The following MCTP1 variants were observed in gnomAD, a reference collection of about 807,000 sequenced individuals.
MCTP1 encodes multiple C2 and transmembrane domain-containing protein 1.
Under a neutral mutation model 120.6 loss-of-function variants are expected in MCTP1, and 69 were observed. The ratio of observed to expected loss-of-function variants is 0.57; its 90% CI spans 0.47 to 0.70. The LOEUF is 0.70. Among genes scored for constraint, MCTP1 ranks in the 30% least tolerant of loss-of-function variants. The probability of loss-of-function intolerance (pLI) is 0.00; values close to 1 mark genes in which losing one functional copy is unlikely to be tolerated. For missense variants in MCTP1, 1,203 were observed against 1,248.8 expected (o/e 0.96, Z 0.55); for synonymous variants, 529 against 493.1 (o/e 1.07, Z -0.96).
chr5:95,260,110 T>C (rs533990005), intron 1 of MCTP1, among the ~76,000 whole-genome samples: 1 of 152,330 alleles, frequency 6.6e-6, no homozygotes, highest in Admixed American at 6.5e-5. Flanking sequence ...GTAATCTGTA[T>C]CAACTATGCC....
chr5:94,726,050 T>C (rs1170682394), intron 19 of MCTP1, among the ~76,000 whole-genome samples: 1 of 152,266 alleles, frequency 6.6e-6, no homozygotes, highest in East Asian at 1.9e-4. Context: ...TTGTCATATG[T>C]ATCATCATAT....
At chr5:94,763,627 A>G (rs1771859179) in intron 19 of MCTP1, among the ~76,000 whole-genome samples, 4 of 152,154 alleles carry the variant, frequency 2.6e-5, no homozygotes, top group Admixed American at 2.0e-4. Flanking sequence ...CCCATCACAC[A>G]ATGACTCCTG....
chr5:95,148,561 T>C (rs774438563), intron 1 of MCTP1, among the ~76,000 whole-genome samples: 6 of 152,232 alleles, frequency 3.9e-5, no homozygotes, highest in Non-Finnish European at 7.3e-5. Flanking sequence ...GGTACTTTCT[T>C]AAAATGGCTA....
At chr5:94,906,183 C>T (rs1806852766) in intron 10 of MCTP1, among the ~76,000 whole-genome samples, 1 of 151,984 alleles carries the variant, frequency 6.6e-6, no homozygotes, top group Non-Finnish European at 1.5e-5. Flanking sequence ...TATATTAGTT[C>T]AAGTAAGAAT....
intron 10 of MCTP1, among the ~76,000 whole-genome samples, chr5:94,902,359 A>C (rs1805759263): frequency 6.6e-6 from 1 of 152,178 alleles, no homozygotes; most frequent in African/African-American, 2.4e-5. Context: ...AATTATCAAG[A>C]GGAAATTTAT....
intron 1 of MCTP1, among the ~76,000 whole-genome samples, chr5:95,281,106 A>G (rs1760277010): frequency 6.6e-6 from 1 of 152,234 alleles, no homozygotes; most frequent in African/African-American, 2.4e-5. Flanking sequence ...GGCACTCTAA[A>G]GATGTATTAA....
intron 17 of MCTP1, among the ~76,000 whole-genome samples, chr5:94,814,858 A>G (rs1784176308): frequency 6.6e-6 from 1 of 152,186 alleles, no homozygotes; most frequent in East Asian, 1.9e-4. Flanking sequence ...GCACTACTGG[A>G]TAAATATGAC....
chr5:95,183,671 G>T (rs1477121245), intron 1 of MCTP1, among the ~76,000 whole-genome samples: 1 of 151,940 alleles, frequency 6.6e-6, no homozygotes, highest in Non-Finnish European at 1.5e-5. Flanking sequence ...AAATAATTGG[G>T]CAAAGATTGA....
At chr5:95,024,361 C>A (rs1365035688) in intron 1 of MCTP1, among the ~76,000 whole-genome samples, 2 of 152,040 alleles carry the variant, frequency 1.3e-5, no homozygotes, top group African/African-American at 4.8e-5. Context: ...CCAAAAACCA[C>A]CTTATAATCT....
intron 2 of MCTP1, among the ~76,000 whole-genome samples, chr5:94,992,145 T>C (rs1322208007): frequency 6.6e-6 from 1 of 152,140 alleles, no homozygotes; most frequent in African/African-American, 2.4e-5. Context: ...AAAACTACAA[T>C]GCCGCGTGCC....
intron 1 of MCTP1, among the ~76,000 whole-genome samples, chr5:95,235,246 A>C (rs542271343): frequency 7.9e-5 from 12 of 151,938 alleles, no homozygotes; most frequent in Non-Finnish European, 1.8e-4. Flanking sequence ...CAGAAAAAGC[A>C]CTTGACAAAA....
At chr5:94,968,971 C>T (rs535650485) in intron 2 of MCTP1, among the ~76,000 whole-genome samples, 1 of 152,266 alleles carries the variant, frequency 6.6e-6, no homozygotes, top group East Asian at 1.9e-4. Flanking sequence ...CAACCTTTCA[C>T]ATATTCATTT....
At chr5:95,258,584 T>C (rs1429507048) in intron 1 of MCTP1, among the ~76,000 whole-genome samples, 1 of 152,188 alleles carries the variant, frequency 6.6e-6, no homozygotes, top group Non-Finnish European at 1.5e-5. Flanking sequence ...AATGAATCCA[T>C]GTTGGTTCGT....
chr5:94,829,548 A>G (rs1788056883), intron 17 of MCTP1, among the ~76,000 whole-genome samples: 1 of 152,200 alleles, frequency 6.6e-6, no homozygotes, highest in Non-Finnish European at 1.5e-5. Context: ...TTGGCTCTTA[A>G]TCACTATGCG....
intron 16 of MCTP1, among the ~76,000 whole-genome samples, chr5:94,869,248 G>A (rs1797386762): frequency 6.6e-6 from 1 of 151,960 alleles, no homozygotes; most frequent in African/African-American, 2.4e-5. Context: ...TTATATGTCT[G>A]CAAGTTAACA....
chr5:95,220,420 A>G (rs1753559042), intron 1 of MCTP1, among the ~76,000 whole-genome samples: 1 of 152,082 alleles, frequency 6.6e-6, no homozygotes, highest in Non-Finnish European at 1.5e-5. Context: ...ATCTAAAAGG[A>G]AGAGAGACAC....
chr5:95,167,103 T>A (rs1466992797), intron 1 of MCTP1, among the ~76,000 whole-genome samples: 1 of 152,058 alleles, frequency 6.6e-6, no homozygotes, highest in East Asian at 1.9e-4. Context: ...TGTGTGATGT[T>A]GCCCTGTGTC....
intron 1 of MCTP1, among the ~76,000 whole-genome samples, chr5:95,076,752 C>G (rs994228063): frequency 6.6e-6 from 1 of 152,114 alleles, no homozygotes; most frequent in Non-Finnish European, 1.5e-5. Context: ...TGAAAATATG[C>G]TATTTTGTTT....
At chr5:95,085,278 C>G (rs1254118673) in intron 1 of MCTP1, among the ~76,000 whole-genome samples, 3 of 151,906 alleles carry the variant, frequency 2.0e-5, no homozygotes, top group Non-Finnish European at 4.4e-5. Flanking sequence ...TTTTATAATA[C>G]TTTTTATTAG....
Sources: allele counts gnomAD v4.1 joint callset (sites outside exome capture counted in the v4.1 genomes callset), GRCh38; gene constraint gnomAD v4.1.1; transcripts MANE v1.5; gene names NCBI Gene and HGNC (gene_info 2026-07-23, HGNC 2026-07-21).